SFTPA2: variants seen among roughly 807,000 people sequenced by gnomAD.
SFTPA2 encodes surfactant protein A2.
Under a neutral mutation model 20.3 loss-of-function variants are expected in SFTPA2, and 21 were observed. The ratio of observed to expected loss-of-function variants is 1.03; its 90% CI spans 0.73 to 1.49. SFTPA2 has a LOEUF of 1.49. SFTPA2 is among the 40% of genes most tolerant of loss of function. SFTPA2 has a pLI of 0.00. For missense variants in SFTPA2, 302 were observed against 314.8 expected, an observed-to-expected ratio of 0.96 and a Z score of 0.31; for synonymous variants, 116 against 118.7, an observed-to-expected ratio of 0.98 and a Z score of 0.15.
At chr10:79,559,648 G>A (rs774446940) in intron 2 of SFTPA2, 142 bp from the exon 3 acceptor site, 12 of 1,561,892 alleles carry the variant, frequency 7.7e-6, no homozygotes, top group Admixed American at 1.9e-5. Context: ...CGAAGCACCC[G>A]GGAAAATTCC....
rs1484528216 is a variant in SFTPA2, at chr10:79,557,018, G to T, written c.*191C>A. On this transcript the variant is annotated 3_prime_UTR_variant, in exon 6 of 6. Coordinates refer to ENST00000372325, the MANE Select transcript of SFTPA2 (RefSeq NM_001098668.4). ...GATGGTTTGCAAGGGGAGTGTCAAG[G>T]CTGGTCAGTGATTATGGGGAAGAGT... 1.0e-6 allele frequency: 1 copy of T among 985,182 alleles called. No homozygotes were observed. Among genetic ancestry groups the T allele is most frequent in the Non-Finnish European group, 1.5e-6 (1 of 670,468 alleles). 61.0% of individuals were successfully genotyped at this position (985,182 alleles called of 1,614,324 possible).
chr10:79,558,277 C>G lies in SFTPA2; in HGVS notation c.293-148G>C, dbSNP rs17879358. On this transcript the variant is annotated intron_variant, in intron 4 of 5. Transcript: ENST00000372325. The stretch of plus-strand genomic sequence containing the variant: ...CCAGACCCTAGGCTCAGAGGGTCCA[C>G]GAGATTCCAGTGTGTCTCCACACCC... 1,423 of 1,550,310 alleles carry G rather than the reference C, an allele frequency of 9.2e-4. 10 individuals are homozygous for G. In the African/African-American group the frequency reaches 0.017, roughly 19 times the overall value.
intron 5 of SFTPA2, 33 bp downstream of exon 5, chr10:79,558,019 T>C (rs1858895795): frequency 1.2e-6 from 2 of 1,613,932 alleles, no homozygotes; most frequent in Non-Finnish European, 1.7e-6. Flanking sequence ...TGTGGGAAAC[T>C]CCTACCCCGT....
rs144008460 is a variant in SFTPA2, at chr10:79,559,996, G to T, written c.-51C>A. 1.7e-6 allele frequency: 2 copies of T among 1,187,548 alleles called. No homozygotes were observed. Among genetic ancestry groups the T allele is most frequent in the South Asian group, 2.4e-5 (1 of 41,910 alleles). 73.6% of individuals were successfully genotyped at this position (1,187,548 alleles called of 1,614,324 possible). ...TCTTTTCAGGCTCCAAGAAATCAGC[G>T]ACCTGAGAATGAAAAGAGATGAATA... is the stretch of plus-strand genomic sequence containing the variant. On this transcript the variant is annotated splice_region_variant and 5_prime_UTR_variant, in exon 2 of 6. Transcript: ENST00000372325.
rs188887689 is a variant in SFTPA2 at position 79,559,302 on chromosome 10, A to C, written c.172+10T>G. The C allele has an allele frequency of 2.0e-4, 324 of 1,613,546 alleles. 1 individual carries two copies. The East Asian group carries it at 7.2e-3, about 36-fold the overall frequency. ...TCCCTCAGCTGAGGGTGGGGTCTGCAGCACAGTACCTGGAGGGCCAGGGTC... is the reference window on the plus strand; with the variant it reads ...TCCCTCAGCTGAGGGTGGGGTCTGCCGCACAGTACCTGGAGGGCCAGGGTC... On this transcript the variant is annotated intron_variant, in intron 3 of 5. Transcript: ENST00000372325.
chr10:79,558,284 C>G, intron 4 of SFTPA2, 155 bp from the exon 5 acceptor site: 2 of 982,288 alleles, frequency 2.0e-6, no homozygotes, highest in Non-Finnish European at 2.4e-6. Flanking sequence ...CCACGAGATT[C>G]CAGTGTGTCT....
At chr10:79,557,920 G>A (rs1858889468) in intron 5 of SFTPA2, 132 bp downstream of exon 5, 4 of 1,443,492 alleles carry the variant, frequency 2.8e-6, no homozygotes, top group Admixed American at 3.5e-5. Context: ...CATCAGAAAA[G>A]CAAGCATCAT....
At chr10:79,557,950 ATGTGCACGCTTGTT>A (rs1858891876) in intron 5 of SFTPA2, 88 bp downstream of exon 5, 1 of 1,554,260 alleles carries the variant, frequency 6.4e-7, no homozygotes, top group Admixed American at 1.7e-5. Flanking sequence ...CAACACCTGC[ATGTGCACGCTTGTT>A]TGTCATCTCT....
intron 5 of SFTPA2, 139 bp downstream of exon 5, chr10:79,557,913 C>T (rs557792519): frequency 1.4e-4 from 197 of 1,415,094 alleles, no homozygotes; most frequent in Non-Finnish European, 1.8e-4. Context: ...TCAAAGACAT[C>T]AGAAAAGCAA....
In SFTPA2 at chr10:79,557,601, T is replaced by A; in HGVS notation, c.371-16A>T. On this transcript the variant is annotated splice_polypyrimidine_tract_variant and intron_variant, in intron 5 of 5. Transcript: ENST00000372325. ...AGACTGAGGGCTGAGAGCAGAGGAG[T>A]CCAGGTCAGGCCACTGACCACTTTG... 25 of 1,586,974 alleles carry A rather than the reference T, an allele frequency of 1.6e-5. 1 individual carries two copies. Among genetic ancestry groups the A allele is most frequent in the Non-Finnish European group, 2.1e-5 (24 of 1,161,742 alleles).
Position 79,559,321 on chromosome 10 carries a change from C to G in SFTPA2, c.163G>C (p.Gly55Arg), listed in dbSNP as rs766152567. 1.2e-6 allele frequency: 2 copies of G among 1,613,816 alleles called. No homozygotes were observed. The highest frequency in any genetic ancestry group is 2.2e-5 in the East Asian group (1 of 44,858). ...GTCTGCAGCACAGTACCTGGAGGGC[C>G]AGGGTCTCCTTTGACACCATCTCTC... ...DGRDGVKGDP[G>R]PPGPMGPPGE... The change falls in exon 3 of 6, where the codon GGC (glycine) becomes CGC (arginine). Residue 55 changes from glycine (G) to arginine (R), a missense_variant. By Grantham distance (125) the Gly-to-Arg change is moderately radical. Transcript: ENST00000372325.
rs1214006384 is a variant in SFTPA2, at chr10:79,555,908, A to C, written c.*1301T>G. The stretch of plus-strand genomic sequence containing the variant: ...TATTATGCTTAAATCATCTTTATTC[A>C]GCTCAGGGGTGGGGTGGCTGGGAGC... On this transcript the variant is annotated 3_prime_UTR_variant, in exon 6 of 6. Transcript: ENST00000372325. 6.6e-6 allele frequency: 1 copy of C among 152,224 alleles called. No homozygotes were observed. The highest frequency in any genetic ancestry group is 2.4e-5 in the African/African-American group (1 of 41,434). 9.4% of individuals were successfully genotyped at this position (152,224 alleles called of 1,614,324 possible). A position where few individuals can be genotyped will look rare whatever the true frequency, so the allele number is the denominator to read the frequency against.
At position 79,556,288 on chromosome 10, in the gene SFTPA2, TCCCCAAGAGTCACCGGGTA is replaced by T. The variant is rs1377803453; in HGVS notation, c.*902_*920del. On this transcript the variant is annotated 3_prime_UTR_variant, in exon 6 of 6. Coordinates refer to ENST00000372325, the MANE Select transcript of SFTPA2 (RefSeq NM_001098668.4). ...TAGGCTCAGGGAAAATAAATAAATATCCCCAAGAGTCACCGGGTACTGTGCCCACCCCAAGACACATCCT... is the reference window on the plus strand; with the variant it reads ...TAGGCTCAGGGAAAATAAATAAATATCTGTGCCCACCCCAAGACACATCCT... 6.0e-6 allele frequency: 1 copy of T among 167,760 alleles called. No individual in the cohort carries two copies. Among genetic ancestry groups the T allele is most frequent in the Non-Finnish European group, 1.5e-5 (1 of 68,238 alleles). 10.4% of individuals were successfully genotyped at this position (167,760 alleles called of 1,614,324 possible). A position where few individuals can be genotyped will look rare whatever the true frequency, so the allele number is the denominator to read the frequency against.
At position 79,559,949 on chromosome 10, in the gene SFTPA2, TC is replaced by T; in HGVS notation, c.-24+19del. On this transcript the variant is annotated intron_variant, in intron 2 of 5. Coordinates refer to ENST00000372325, the MANE Select transcript of SFTPA2 (RefSeq NM_001098668.4). ...CTCACTCACTGACTCACTCCATCTGTCCCTCATATGCCCAGTTACCTTCTTT... is the reference window on the plus strand; with the variant it reads ...CTCACTCACTGACTCACTCCATCTGTCCTCATATGCCCAGTTACCTTCTTT... 4.5e-6 allele frequency: 6 copies of T among 1,319,126 alleles called. No homozygotes were observed. The highest frequency in any genetic ancestry group is 5.8e-6 in the Non-Finnish European group (6 of 1,032,086). The allele number at this position is 1,319,126 out of a possible 1,614,324, so 81.7% of individuals were successfully genotyped here. A position where few individuals can be genotyped will look rare whatever the true frequency, so the allele number is the denominator to read the frequency against.
chr10:79,557,308 A>C lies in SFTPA2; in HGVS notation c.648T>G (p.Pro216=), dbSNP rs17096771. The C allele has an allele frequency of 5.0e-6, 8 of 1,611,056 alleles. No homozygotes were observed. The highest frequency in any genetic ancestry group is 6.8e-6 in the Non-Finnish European group (8 of 1,178,320). ...CACACTGCTCTTTTCCCCGACCTGC[A>C]GGCTCCCCTCGGTACCAGTTGGTGT... ...VNYTNWYRGE[P]AGRGKEQCVE... The change falls in exon 6 of 6, where the codon CCT becomes CCG. Residue 216 remains proline, a synonymous_variant. Coordinates refer to ENST00000372325, the MANE Select transcript of SFTPA2 (RefSeq NM_001098668.4).
rs1314931087 is a variant in SFTPA2, at chr10:79,559,403, A to G, written c.81T>C (p.Val27=). The change falls in exon 3 of 6, where the codon GTT becomes GTC. Residue 27 remains valine, a synonymous_variant. Coordinates refer to ENST00000372325, the MANE Select transcript of SFTPA2 (RefSeq NM_001098668.4). The stretch of plus-strand genomic sequence containing the variant: ...GAGTGCCGGGGATACCAGGGCTTCC[A>G]ACACAAACGTCCTTCACTTCGCACG... The part of the protein sequence containing the change: ...GAACEVKDVC[V]GSPGIPGTPG... 1.2e-6 allele frequency: 2 copies of G among 1,613,738 alleles called. No individual in the cohort carries two copies. The highest frequency in any genetic ancestry group is 1.7e-5 in the Admixed American group (1 of 59,994).
chr10:79,556,169 A>G lies in SFTPA2; in HGVS notation c.*1040T>C, dbSNP rs1188790429. On this transcript the variant is annotated 3_prime_UTR_variant, in exon 6 of 6. Transcript: ENST00000372325. ...TGCTCGGTCAATAGCCTTTGTGTGT[A>G]GTAACGGCTCTGGTAGTAATTTTGC... The G allele has an allele frequency of 1.2e-5, 2 of 167,548 alleles. No homozygotes were observed. The highest frequency in any genetic ancestry group is 1.5e-5 in the Non-Finnish European group (1 of 68,178). The allele number at this position is 167,548 out of a possible 1,614,324, so 10.4% of individuals were successfully genotyped here. A position where few individuals can be genotyped will look rare whatever the true frequency, so the allele number is the denominator to read the frequency against.
At chr10:79,559,129 A>G in intron 3 of SFTPA2, 124 bp from the exon 4 acceptor site, 1 of 1,600,884 alleles carries the variant, frequency 6.2e-7, no homozygotes, top group East Asian at 2.2e-5. Context: ...CTATGAGGAC[A>G]GACTCTCCAG....
At position 79,556,386 on chromosome 10, in the gene SFTPA2, A is replaced by C. The variant is rs1044146839; in HGVS notation, c.*823T>G. The C allele has an allele frequency of 6.1e-6, 1 of 164,202 alleles. No homozygotes were observed. Among genetic ancestry groups the C allele is most frequent in the Non-Finnish European group, 1.5e-5 (1 of 68,308 alleles). The allele number at this position is 164,202 out of a possible 1,614,324, so 10.2% of individuals were successfully genotyped here. The stretch of plus-strand genomic sequence containing the variant: ...TTATCTGGGTGAATGTATTAATAAA[A>C]GGGGAAAGTGGAGCCGGTGGCATGG... On this transcript the variant is annotated 3_prime_UTR_variant, in exon 6 of 6. Coordinates refer to ENST00000372325, the MANE Select transcript of SFTPA2 (RefSeq NM_001098668.4).
Sources: gnomAD v4.1 joint callset for allele counts on GRCh38, gnomAD v4.1.1 for gene constraint, MANE v1.5 for transcripts, NCBI Gene and HGNC (gene_info 2026-07-23, HGNC 2026-07-21) for gene names.